Variants in PTGFR observed in about 807,000 individuals in gnomAD.
PTGFR encodes the protein prostaglandin F2-alpha receptor.
In PTGFR, 15 loss-of-function variants were observed where a neutral mutation model predicts 26.2. The ratio of observed to expected loss-of-function variants is 0.57; its 90% CI spans 0.38 to 0.88. The LOEUF (loss-of-function observed/expected upper bound fraction) is 0.88, where lower values mean the gene tolerates loss of function less well. PTGFR is among the 40% of genes least tolerant of loss of function. The probability of loss-of-function intolerance (pLI) is 0.00; values close to 1 mark genes in which losing one functional copy is unlikely to be tolerated. For synonymous variants in PTGFR, 165 were observed against 151.1 expected, an observed-to-expected ratio of 1.09 and a Z score of -0.68; for missense variants, 369 against 427.2, an observed-to-expected ratio of 0.86 and a Z score of 1.20.
intron 2 of PTGFR, among the ~76,000 whole-genome samples, chr1:78,506,989 C>A (rs1029643165): frequency 2.0e-5 from 3 of 152,314 alleles, no homozygotes; most frequent in Non-Finnish European, 4.4e-5. Context: ...AAACTGCAAA[C>A]AGCAGCTCAA....
intron 2 of PTGFR, among the ~76,000 whole-genome samples, chr1:78,521,115 A>T (rs551106626): frequency 8.5e-5 from 13 of 152,134 alleles, no homozygotes; most frequent in African/African-American, 3.1e-4. Flanking sequence ...TCCCTTCTGT[A>T]CCAGCTGTGA....
intron 2 of PTGFR, among the ~76,000 whole-genome samples, chr1:78,535,036 G>C (rs752445771): frequency 6.6e-6 from 1 of 152,168 alleles, no homozygotes; most frequent in Non-Finnish European, 1.5e-5. Flanking sequence ...AGAGAGTAAT[G>C]ATGAGTGCTT....
chr1:78,510,880 TA>T (rs1020699458), intron 2 of PTGFR, among the ~76,000 whole-genome samples: 2 of 152,058 alleles, frequency 1.3e-5, no homozygotes, highest in African/African-American at 2.4e-5. Context: ...GGAAATAGGC[TA>T]AAAAAAAGAG....
At chr1:78,503,098 A>G (rs1557649890) in intron 2 of PTGFR, among the ~76,000 whole-genome samples, 2 of 152,262 alleles carry the variant, frequency 1.3e-5, no homozygotes, top group East Asian at 3.9e-4. Flanking sequence ...ATTCCCAGAG[A>G]TACGGAAGTG....
At chr1:78,527,375 CA>C (rs1300818634) in intron 2 of PTGFR, among the ~76,000 whole-genome samples, 1 of 151,900 alleles carries the variant, frequency 6.6e-6, no homozygotes, top group African/African-American at 2.4e-5. Flanking sequence ...GTATCTTAAA[CA>C]AAAGGACTTA....
At chr1:78,518,630 A>G (rs1650152436) in intron 2 of PTGFR, among the ~76,000 whole-genome samples, 1 of 150,326 alleles carries the variant, frequency 6.7e-6, no homozygotes, top group Non-Finnish European at 1.5e-5. Context: ...ATACGCATTT[A>G]TAGCAGAGCA....
chr1:78,514,193 C>T (rs907781634), intron 2 of PTGFR, among the ~76,000 whole-genome samples: 29 of 152,182 alleles, frequency 1.9e-4, no homozygotes, highest in African/African-American at 6.8e-4. Flanking sequence ...CCACTGTTTG[C>T]TTGCACCCTG....
Position 78,517,428 on chromosome 1 carries a change from T to C in PTGFR, c.799-18978T>C, listed in dbSNP as rs536243253. Among the ~76,000 whole-genome samples the C allele has an allele frequency of 1.2e-3, 185 of 152,192 alleles. 1 individual carries two copies. Among genetic ancestry groups the C allele is most frequent in the African/African-American group, 4.4e-3 (181 of 41,530 alleles). ...TAAATTTACACGATGATTTTAAAGA[T>C]TGATAAGTGCTGTGATTGTGGGTGG... On this transcript the variant is annotated intron_variant, in intron 2 of 2. Transcript: ENST00000370757.
At position 78,514,969 on chromosome 1, in the gene PTGFR, C is replaced by T. The variant is rs117519730; in HGVS notation, c.798+21428C>T. Among the ~76,000 whole-genome samples the T allele has an allele frequency of 2.9e-4, 44 of 152,218 alleles. No homozygotes were observed. The East Asian group carries it at 6.0e-3, about 21-fold the overall frequency. The stretch of plus-strand genomic sequence containing the variant: ...GGCCTTTACCAGACACAGATGCCAG[C>T]GCCATGCTTCCTGTACAGCCTGCAA... On this transcript the variant is annotated intron_variant, in intron 2 of 2. Coordinates refer to ENST00000370757, the MANE Select transcript of PTGFR (RefSeq NM_000959.4).
rs114584505 is a variant in PTGFR at position 78,512,105 on chromosome 1, C to G, written c.798+18564C>G. Among the ~76,000 whole-genome samples, 631 of 152,280 alleles carry G rather than the reference C, an allele frequency of 4.1e-3. 8 individuals carry two copies. Among genetic ancestry groups the G allele is most frequent in the African/African-American group, 0.014 (586 of 41,558 alleles). ...TTCCATTAGGTTGTGATTTTCGTCACAACCATTTAATCAGTCTCTAACAAG... is the reference window on the plus strand; with the variant it reads ...TTCCATTAGGTTGTGATTTTCGTCAGAACCATTTAATCAGTCTCTAACAAG... On this transcript the variant is annotated intron_variant, in intron 2 of 2. Coordinates refer to ENST00000370757, the MANE Select transcript of PTGFR (RefSeq NM_000959.4).
chr1:78,502,929 T>C (rs1376541954), intron 2 of PTGFR, among the ~76,000 whole-genome samples: 1 of 152,128 alleles, frequency 6.6e-6, no homozygotes, highest in African/African-American at 2.4e-5. Flanking sequence ...TATCAGGTAT[T>C]TTATTATGAA....
At position 78,536,865 on chromosome 1, in the gene PTGFR, AT is replaced by A; in HGVS notation, c.*183del. 1.4e-6 allele frequency: 1 copy of A among 722,296 alleles called. No individual in the cohort carries two copies. The highest frequency in any genetic ancestry group is 1.8e-5 in the African/African-American group (1 of 55,082). 44.7% of individuals were successfully genotyped at this position (722,296 alleles called of 1,614,324 possible). A position where few individuals can be genotyped will look rare whatever the true frequency, so the allele number is the denominator to read the frequency against. ...TGTCAAATAAACAGGATAACTGTAC[AT>A]TTTTCACTTGTTTTTGCCAATGGGA... On this transcript the variant is annotated 3_prime_UTR_variant, in exon 3 of 3. Transcript: ENST00000370757.
At chr1:78,495,675 T>C (rs1649530472) in intron 2 of PTGFR, among the ~76,000 whole-genome samples, 1 of 152,200 alleles carries the variant, frequency 6.6e-6, no homozygotes, top group African/African-American at 2.4e-5. Context: ...TTCTGTTGAG[T>C]TACTGGGTTT....
chr1:78,500,838 A>T (rs1191687150), intron 2 of PTGFR, among the ~76,000 whole-genome samples: 2 of 152,248 alleles, frequency 1.3e-5, no homozygotes, highest in Admixed American at 1.3e-4. Flanking sequence ...GTATAAAACT[A>T]TCTCCCTCCA....
chr1:78,523,778 G>A (rs182045916), intron 2 of PTGFR, among the ~76,000 whole-genome samples: 1 of 152,084 alleles, frequency 6.6e-6, no homozygotes, highest in Non-Finnish European at 1.5e-5. Flanking sequence ...TTGTAAATGA[G>A]TGATATTTTA....
chr1:78,526,829 C>T (rs572524812), intron 2 of PTGFR, among the ~76,000 whole-genome samples: 15 of 152,096 alleles, frequency 9.9e-5, no homozygotes, highest in African/African-American at 3.4e-4. Context: ...GCTACAGTCA[C>T]TCATTAAAAG....
At chr1:78,514,317 A>C (rs1435209833) in intron 2 of PTGFR, among the ~76,000 whole-genome samples, 1 of 152,180 alleles carries the variant, frequency 6.6e-6, no homozygotes, top group Non-Finnish European at 1.5e-5. Context: ...TCCTTGCATC[A>C]GTGTACTCTG....
At chr1:78,507,211 A>G (rs989580544) in intron 2 of PTGFR, among the ~76,000 whole-genome samples, 1 of 152,226 alleles carries the variant, frequency 6.6e-6, no homozygotes, top group Non-Finnish European at 1.5e-5. Context: ...GCTACTCTGC[A>G]CGGCACAGAC....
intron 2 of PTGFR, among the ~76,000 whole-genome samples, 162 bp from the exon 3 acceptor site, chr1:78,536,244 A>G (rs934613381): frequency 3.3e-5 from 5 of 152,142 alleles, no homozygotes; most frequent in African/African-American, 1.2e-4. Flanking sequence ...ATTTGTCTCC[A>G]TCAGTGTTTC....
Sources: allele counts gnomAD v4.1 joint callset (sites outside exome capture counted in the v4.1 genomes callset), GRCh38; gene constraint gnomAD v4.1.1; transcripts MANE v1.5; gene names NCBI Gene and HGNC (gene_info 2026-07-23, HGNC 2026-07-21).